Variants in ATR observed in about 807,000 individuals in gnomAD.
The protein encoded by ATR is serine/threonine-protein kinase ATR.
In ATR, 142 loss-of-function variants were observed where a neutral mutation model predicts 305.3. The observed-to-expected ratio is 0.47, with a 90% CI of 0.41 to 0.53. ATR has a LOEUF of 0.53. ATR is among the 20% of genes least tolerant of loss of function. The pLI is 0.00. For synonymous variants in ATR, 1,050 were observed against 1,068.1 expected, an observed-to-expected ratio of 0.98 and a Z score of 0.33; for missense variants, 2,135 against 3,133.1, an observed-to-expected ratio of 0.68 and a Z score of 7.60.
chr3:142,475,724 C>T (rs558483528), intron 36 of ATR, among the ~76,000 whole-genome samples: 7 of 152,108 alleles, frequency 4.6e-5, no homozygotes, highest in South Asian at 2.1e-4. Context: ...ACAGTGTAAA[C>T]GTGTTCCTAT....
chr3:142,503,484 T>A, intron 29 of ATR, 31 bp from the exon 30 acceptor site: 1 of 1,399,380 alleles, frequency 7.1e-7, no homozygotes, highest in Non-Finnish European at 1.0e-6. Context: ...AAAATAGCAA[T>A]TATCACTTCA....
At chr3:142,561,083 G>A (rs548159504) in intron 5 of ATR, among the ~76,000 whole-genome samples, 160 bp downstream of exon 5, 10 of 152,086 alleles carry the variant, frequency 6.6e-5, no homozygotes, top group Non-Finnish European at 1.0e-4. Flanking sequence ...ACTACTAACC[G>A]TCTACAATAA....
rs2108341561 is a variant in ATR at position 142,498,729 on chromosome 3, A to T, written c.5426T>A (p.Leu1809Ter). Residue 1809 changes from leucine to a stop codon, truncating the protein, a stop_gained, in exon 32 of 47, where the codon TTA becomes TAA. Transcript: ENST00000350721. LOFTEE classifies it high-confidence loss of function. Reference sequence around the variant, plus strand: ...TGTGATATCTCTTTTTTTGGCTGATAATAATAGCTGTCCCAGTCTGACACT... The same window carrying T: ...TGTGATATCTCTTTTTTTGGCTGATTATAATAGCTGTCCCAGTCTGACACT... ...TWSVRLGQLL[L>*]SAKKRDITAF... 6.2e-7 allele frequency: 1 copy of T among 1,614,088 alleles called. No homozygotes were observed. Among genetic ancestry groups the T allele is most frequent in the Non-Finnish European group, 8.5e-7 (1 of 1,180,004 alleles).
At chr3:142,543,563 C>T (rs1484750506) in intron 16 of ATR, among the ~76,000 whole-genome samples, 1 of 150,256 alleles carries the variant, frequency 6.7e-6, no homozygotes, top group Non-Finnish European at 1.5e-5. Context: ...CTTCCTTCCT[C>T]CCTCCCTCCC....
At chr3:142,478,419 C>T (rs2030085860) in intron 36 of ATR, among the ~76,000 whole-genome samples, 1 of 152,112 alleles carries the variant, frequency 6.6e-6, no homozygotes, top group Non-Finnish European at 1.5e-5. Flanking sequence ...TTTCTTAATC[C>T]TGGGTTCTAG....
chr3:142,494,252 A>G, intron 34 of ATR, among the ~76,000 whole-genome samples: 1 of 152,190 alleles, frequency 6.6e-6, no homozygotes, highest in East Asian at 1.9e-4. Context: ...GAGTATCCAC[A>G]GATTTTGTTA....
chr3:142,570,913 G>A (rs2035238648), intron 1 of ATR, among the ~76,000 whole-genome samples: 1 of 152,156 alleles, frequency 6.6e-6, no homozygotes, highest in African/African-American at 2.4e-5. Context: ...AACTGTATGA[G>A]ATCAAGAGGG....
intron 30 of ATR, 85 bp downstream of exon 30, chr3:142,503,277 C>T (rs2032073075): frequency 1.0e-6 from 1 of 955,516 alleles, no homozygotes; most frequent in East Asian, 2.6e-5. Flanking sequence ...TATTACTCTA[C>T]TAAACATTAA....
chr3:142,560,980 C>A (rs2034859112), intron 5 of ATR, among the ~76,000 whole-genome samples: 3 of 152,176 alleles, frequency 2.0e-5, no homozygotes, highest in African/African-American at 7.2e-5. Flanking sequence ...AATAGATGCA[C>A]AGTCTCAAAG....
At position 142,549,577 on chromosome 3, in the gene ATR, G is replaced by A. The variant is rs980426116; in HGVS notation, c.3073C>T (p.Arg1025Cys). The A allele has an allele frequency of 2.5e-6, 4 of 1,612,198 alleles. No homozygotes were observed. The highest frequency in any genetic ancestry group is 4.5e-5 in the East Asian group (2 of 44,822). The change falls in exon 15 of 47, where the codon CGT (arginine) becomes TGT (cysteine). Residue 1025 changes from arginine to cysteine, a missense_variant. By Grantham distance (180) the Arg-to-Cys change is radical (BLOSUM62 -3). Transcript: ENST00000350721. ...AAGTTGTTTATTAAAATCTCTCTAC[G>A]ATTGACATTTAATTGTTTTCCTAAA... is the stretch of plus-strand genomic sequence containing the variant. ...RTLGKQLNVN[R>C]REILINNFKY...
intron 3 of ATR, among the ~76,000 whole-genome samples, chr3:142,564,120 T>A (rs1303853746): frequency 6.6e-6 from 1 of 152,226 alleles, no homozygotes; most frequent in African/African-American, 2.4e-5. Flanking sequence ...AGTAATAAAG[T>A]ATTTTTAATT....
intron 16 of ATR, among the ~76,000 whole-genome samples, chr3:142,543,626 T>C (rs572560400): frequency 1.3e-5 from 2 of 151,766 alleles, no homozygotes; most frequent in East Asian, 3.9e-4. Context: ...CTTCCTTCCT[T>C]TCTATTTCTT....
At chr3:142,504,919 C>T (rs760547906) in intron 29 of ATR, among the ~76,000 whole-genome samples, 18 of 151,984 alleles carry the variant, frequency 1.2e-4, no homozygotes, top group Non-Finnish European at 2.1e-4. Context: ...TGGTGGCACA[C>T]GCCTGTAATC....
chr3:142,538,898 G>A (rs1355428863), intron 18 of ATR, among the ~76,000 whole-genome samples: 3 of 151,970 alleles, frequency 2.0e-5, no homozygotes, highest in Admixed American at 6.6e-5. Context: ...TTTTACAGAG[G>A]GTGGATATAC....
intron 3 of ATR, among the ~76,000 whole-genome samples, chr3:142,565,479 A>G (rs2035035330): frequency 6.6e-6 from 1 of 152,238 alleles, no homozygotes; most frequent in Non-Finnish European, 1.5e-5. Context: ...AATAGCGGTC[A>G]GCAAACTTTT....
At position 142,507,928 on chromosome 3, in the gene ATR, G is replaced by T; in HGVS notation, c.5031+3C>A. On this transcript the variant is annotated splice_donor_region_variant and intron_variant, in intron 28 of 46. Coordinates refer to ENST00000350721, the MANE Select transcript of ATR (RefSeq NM_001184.4). The stretch of plus-strand genomic sequence containing the variant: ...TATTAAATTCACTATATTAACTTCA[G>T]ACCTGTAAAAATCCAAGATGTTCCT... 1 of 1,588,320 alleles carries T rather than the reference G, an allele frequency of 6.3e-7. No homozygotes were observed. The highest frequency in any genetic ancestry group is 1.1e-5 in the South Asian group (1 of 90,416).
chr3:142,573,956 CATT>C (rs2035356484), intron 1 of ATR, among the ~76,000 whole-genome samples: 1 of 152,098 alleles, frequency 6.6e-6, no homozygotes, highest in Non-Finnish European at 1.5e-5. Context: ...AGTCAGGAGA[CATT>C]ATGATAAACC....
intron 35 of ATR, among the ~76,000 whole-genome samples, chr3:142,490,436 A>T (rs2031211637): frequency 6.6e-6 from 1 of 152,172 alleles, no homozygotes; most frequent in African/African-American, 2.4e-5. Context: ...TATGTATTAC[A>T]AGTATTTTCT....
chr3:142,545,320 G>A (rs2034226618), intron 16 of ATR, among the ~76,000 whole-genome samples: 1 of 151,956 alleles, frequency 6.6e-6, no homozygotes, highest in Non-Finnish European at 1.5e-5. Flanking sequence ...AGGGTACTCA[G>A]GAAACTCTTG....
Sources: gnomAD v4.1 joint callset for allele counts (sites outside exome capture counted in the v4.1 genomes callset) on GRCh38, gnomAD v4.1.1 for gene constraint, MANE v1.5 for transcripts, NCBI Gene and HGNC (gene_info 2026-07-23, HGNC 2026-07-21) for gene names.